RASSF8: variants seen among roughly 807,000 people sequenced by gnomAD.
The protein encoded by RASSF8 is ras association domain-containing protein 8.
In RASSF8, 22 loss-of-function variants were observed where a neutral mutation model predicts 48.5. The observed-to-expected ratio is 0.45, with a 90% CI of 0.32 to 0.65. The LOEUF (loss-of-function observed/expected upper bound fraction) is 0.65, where lower values mean the gene tolerates loss of function less well. RASSF8 is among the 30% of genes least tolerant of loss of function. The pLI is 0.03. For missense variants in RASSF8, 418 were observed against 489.2 expected (o/e 0.85, Z 1.37); for synonymous variants, 127 against 171.5 (o/e 0.74, Z 2.03).
At chr12:26,063,939 G>A (rs1052963837) in intron 3 of RASSF8, among the ~76,000 whole-genome samples, 2 of 152,084 alleles carry the variant, frequency 1.3e-5, no homozygotes, top group Non-Finnish European at 2.9e-5. Context: ...GAGATGGAGA[G>A]GAGACCTGGG....
intron 2 of RASSF8, among the ~76,000 whole-genome samples, chr12:26,003,655 T>C (rs2136992440): frequency 6.6e-6 from 1 of 152,186 alleles, no homozygotes; most frequent in South Asian, 2.1e-4. Context: ...GGAAACATAC[T>C]AAAGTGTTAA....
chr12:25,998,790 G>A (rs1309012097), intron 2 of RASSF8, among the ~76,000 whole-genome samples: 3 of 151,946 alleles, frequency 2.0e-5, no homozygotes, highest in African/African-American at 4.8e-5. Context: ...GGGCGTGTAT[G>A]TGTGTCCATT....
At chr12:26,061,912 A>G (rs762789833) in intron 3 of RASSF8, among the ~76,000 whole-genome samples, 28 of 152,346 alleles carry the variant, frequency 1.8e-4, no homozygotes, top group Non-Finnish European at 2.9e-4. Context: ...ACAAAAGCCA[A>G]TACTGGCAGT....
chr12:25,965,285 C>T (rs1941331989), intron 1 of RASSF8, among the ~76,000 whole-genome samples: 1 of 151,784 alleles, frequency 6.6e-6, no homozygotes, highest in Non-Finnish European at 1.5e-5. Flanking sequence ...ATAAACTGCA[C>T]ATACCTAACT....
chr12:25,970,567 C>T (rs570500182), intron 1 of RASSF8, among the ~76,000 whole-genome samples: 1 of 152,308 alleles, frequency 6.6e-6, no homozygotes, highest in South Asian at 2.1e-4. Flanking sequence ...AACCCATCCT[C>T]CATGTTGCCG....
intron 1 of RASSF8, among the ~76,000 whole-genome samples, chr12:25,979,833 G>A (rs1941696629): frequency 6.7e-6 from 1 of 148,626 alleles, no homozygotes. Context: ...ATACCCTTGA[G>A]CAATTTTTAC....
chr12:26,028,362 T>A (rs758072338), intron 2 of RASSF8, among the ~76,000 whole-genome samples: 2 of 152,232 alleles, frequency 1.3e-5, no homozygotes, highest in Admixed American at 1.3e-4. Context: ...TGCCAGTGTG[T>A]TGGAATGTGA....
Position 26,072,832 on chromosome 12 carries a change from T to C in RASSF8, c.*4014T>C. ...TAAAACAAAGAATCAATATTGGATATTCTCCCAAATAATAAATTTTCAGGA... is the reference window on the plus strand; with the variant it reads ...TAAAACAAAGAATCAATATTGGATACTCTCCCAAATAATAAATTTTCAGGA... On this transcript the variant is annotated 3_prime_UTR_variant, in exon 6 of 6. Coordinates refer to ENST00000689635, the MANE Select transcript of RASSF8 (RefSeq NM_001394098.1). 1 of 909,562 alleles carries C rather than the reference T, an allele frequency of 1.1e-6. No individual in the cohort carries two copies. Among genetic ancestry groups the C allele is most frequent in the South Asian group, 5.1e-5 (1 of 19,706 alleles). The allele number at this position is 909,562 out of a possible 1,614,324, so 56.3% of individuals were successfully genotyped here.
At chr12:26,074,939 T>G (rs1944059122), downstream of RASSF8, among the ~76,000 whole-genome samples, 1 of 152,088 alleles carries the variant, frequency 6.6e-6, no homozygotes, top group African/African-American at 2.4e-5. Flanking sequence ...CAAGCAAATT[T>G]TAAGCGTGGA....
chr12:25,970,964 A>G (rs1184831541), intron 1 of RASSF8, among the ~76,000 whole-genome samples: 3 of 152,200 alleles, frequency 2.0e-5, no homozygotes, highest in African/African-American at 2.4e-5. Context: ...TCACTCCCTT[A>G]GGAGGTGATC....
At chr12:25,978,080 C>T (rs1941651586) in intron 1 of RASSF8, among the ~76,000 whole-genome samples, 2 of 152,152 alleles carry the variant, frequency 1.3e-5, no homozygotes, top group Admixed American at 1.3e-4. Flanking sequence ...AGCGAATGCA[C>T]TTTGATGGCA....
rs706534 is a variant in RASSF8, at chr12:25,975,791, A to G, written c.-203+16643A>G. On this transcript the variant is annotated intron_variant, in intron 1 of 5. Coordinates refer to ENST00000689635, the MANE Select transcript of RASSF8 (RefSeq NM_001394098.1). ...ATCAAGGACCAAAGGACCAGAAGAA[A>G]TAATACCTGGGGACAGTGGCATAAA... Among the ~76,000 whole-genome samples, 1,345 of 152,294 alleles carry G rather than the reference A, an allele frequency of 8.8e-3. 17 individuals are homozygous for G. Among genetic ancestry groups the G allele is most frequent in the African/African-American group, 0.031 (1,274 of 41,554 alleles).
rs1419614124 is a variant in RASSF8 at position 26,055,301 on chromosome 12, T to C, written c.-43T>C. 4 of 1,515,072 alleles carry C rather than the reference T, an allele frequency of 2.6e-6. No homozygotes were observed. The highest frequency in any genetic ancestry group is 3.3e-5 in the Admixed American group (2 of 59,876). 93.9% of individuals were successfully genotyped at this position (1,515,072 alleles called of 1,614,324 possible). On this transcript the variant is annotated 5_prime_UTR_variant, in exon 3 of 6. Coordinates refer to ENST00000689635, the MANE Select transcript of RASSF8 (RefSeq NM_001394098.1). Reference sequence around the variant, plus strand: ...CAGCTAGAGACATGACCTAACACCCTGATGACCACTCTCAGGGACCTTGAG... The same window carrying C: ...CAGCTAGAGACATGACCTAACACCCCGATGACCACTCTCAGGGACCTTGAG...
chr12:26,069,658 A>G lies in RASSF8; in HGVS notation c.*840A>G, dbSNP rs1046126156. On this transcript the variant is annotated 3_prime_UTR_variant, in exon 6 of 6. Transcript: ENST00000689635. ...CCTGTCTTATCATTTACACTCATGG[A>G]TCTTCAGAATTAATCTAACATGGAA... The G allele has an allele frequency of 1.0e-5, 10 of 985,308 alleles. No homozygotes were observed. Among genetic ancestry groups the G allele is most frequent in the Non-Finnish European group, 1.2e-5 (10 of 829,932 alleles). 61.0% of individuals were successfully genotyped at this position (985,308 alleles called of 1,614,324 possible).
intron 2 of RASSF8, among the ~76,000 whole-genome samples, chr12:26,005,529 A>C (rs1942370041): frequency 6.6e-6 from 1 of 152,214 alleles, no homozygotes; most frequent in Non-Finnish European, 1.5e-5. Context: ...AAATAAGACA[A>C]GGTTAGAATA....
chr12:26,039,097 C>G (rs140974318), intron 2 of RASSF8, among the ~76,000 whole-genome samples: 1 of 152,130 alleles, frequency 6.6e-6, no homozygotes, highest in African/African-American at 2.4e-5. Context: ...GAATGATCCA[C>G]GGCAGTGAGT....
chr12:25,984,298 C>G (rs971429319), intron 1 of RASSF8, among the ~76,000 whole-genome samples: 1 of 143,284 alleles, frequency 7.0e-6, no homozygotes, highest in East Asian at 2.1e-4. Flanking sequence ...AGACTGACCT[C>G]AAACCCCTGG....
chr12:26,077,286 T>C (rs542215537), downstream of RASSF8, among the ~76,000 whole-genome samples: 1 of 152,244 alleles, frequency 6.6e-6, no homozygotes, highest in Non-Finnish European at 1.5e-5. Context: ...TTTGTCTATT[T>C]TGGCTTTTGT....
chr12:26,056,938 T>C (rs560472361), intron 3 of RASSF8, among the ~76,000 whole-genome samples: 3 of 152,310 alleles, frequency 2.0e-5, no homozygotes, highest in Admixed American at 6.5e-5. Flanking sequence ...GCTTTTTTTT[T>C]CTTAGTGAAG....
Sources: allele counts gnomAD v4.1 joint callset (sites outside exome capture counted in the v4.1 genomes callset), GRCh38; gene constraint gnomAD v4.1.1; transcripts MANE v1.5; gene names NCBI Gene and HGNC (gene_info 2026-07-23, HGNC 2026-07-21).